Variants in HSPD1 observed in about 807,000 individuals in gnomAD.
The protein encoded by HSPD1 is heat shock protein family D (Hsp60) member 1.
HSPD1 carries 3 observed loss-of-function variants against 53.0 expected under a neutral mutation model. The observed-to-expected ratio is 0.06, with a 90% confidence interval of 0.03 to 0.15. The LOEUF (loss-of-function observed/expected upper bound fraction) is 0.15, where lower values mean the gene tolerates loss of function less well. Among genes scored for constraint, HSPD1 ranks in the 10% least tolerant of loss-of-function variants. The pLI, the probability that HSPD1 is intolerant of heterozygous loss-of-function variation, is 1.00. For synonymous variants in HSPD1, 200 were observed against 228.0 expected (o/e 0.88, Z 1.10); for missense variants, 431 against 694.1 (o/e 0.62, Z 4.26).
intron 9 of HSPD1, among the ~76,000 whole-genome samples, 189 bp downstream of exon 9, chr2:197,488,813 C>G (rs1197769788): frequency 6.6e-6 from 1 of 152,096 alleles, no homozygotes; most frequent in South Asian, 2.1e-4. Context: ...GGTTGCAGTG[C>G]GCCGAGATCG....
rs1175643427 is a variant in HSPD1, at chr2:197,487,366, A to G, written c.1570-168T>C. Reference sequence around the variant, plus strand: ...GTTCAAGACCAGCCTGGCCAACATGATGAGACCCCGTCTCTACTAAAAATA... The same window carrying G: ...GTTCAAGACCAGCCTGGCCAACATGGTGAGACCCCGTCTCTACTAAAAATA... On this transcript the variant is annotated intron_variant, in intron 11 of 11. Transcript: ENST00000388968. 2.0e-5 allele frequency among the ~76,000 whole-genome samples: 3 copies of G among 152,138 alleles called. No individual in the cohort carries two copies. The East Asian group carries it at 5.8e-4, about 29-fold the overall frequency.
chr2:197,498,983 G>C, intron 1 of HSPD1, 133 bp from the exon 2 acceptor site: 3 of 830,878 alleles, frequency 3.6e-6, no homozygotes, highest in Non-Finnish European at 6.1e-6. Flanking sequence ...CACTACGCCT[G>C]AATGACGGAA....
chr2:197,494,858 G>T lies in HSPD1; in HGVS notation c.511-106C>A, dbSNP rs1352845729. ...TTCCAAATTGATACTTCCATCCAGG[G>T]GAGAGAAGGGGAATTTACGTTATGG... On this transcript the variant is annotated intron_variant, in intron 4 of 11. Transcript: ENST00000388968. The T allele has an allele frequency of 3.7e-5, 28 of 764,414 alleles. No individual in the cohort carries two copies. In the Admixed American group the frequency reaches 4.8e-4, roughly 13 times the overall value. The allele number at this position is 764,414 out of a possible 1,614,324, so 47.4% of individuals were successfully genotyped here.
At chr2:197,489,670 C>T (rs1055969950) in intron 8 of HSPD1, among the ~76,000 whole-genome samples, 6 of 151,996 alleles carry the variant, frequency 3.9e-5, no homozygotes, top group African/African-American at 1.4e-4. Flanking sequence ...GAAGCCTAGG[C>T]AATACAGTGA....
At chr2:197,498,629 T>C (rs778003886) in intron 2 of HSPD1, 46 bp downstream of exon 2, 4 of 1,518,556 alleles carry the variant, frequency 2.6e-6, no homozygotes, top group Admixed American at 1.7e-5. Context: ...GTGAGTAAAA[T>C]GCTATTAATA....
At chr2:197,490,109 A>C in intron 8 of HSPD1, 88 bp downstream of exon 8, 1 of 960,100 alleles carries the variant, frequency 1.0e-6, no homozygotes, top group South Asian at 1.3e-5. Context: ...AGATAGTTGT[A>C]GTATCTAATT....
In HSPD1 at chr2:197,489,103, G is replaced by C; in HGVS notation, c.1114C>G (p.Gln372Glu). Reference sequence around the variant, plus strand: ...ACATCTAACTGCTCAATGATTTCTTGAATACGTTTTTCAATTTGAGCCTTG... The same window carrying C: ...ACATCTAACTGCTCAATGATTTCTTCAATACGTTTTTCAATTTGAGCCTTG... ...GDKAQIEKRI[Q>E]EIIEQLDVTT... Residue 372 changes from glutamine (Q) to glutamate (E), a missense_variant, in exon 9 of 12, where the codon CAA becomes GAA. By Grantham distance (29) the Gln-to-Glu change is conservative (BLOSUM62 2). Around this residue, in one of 2 missense-constraint regions of HSPD1, gnomAD observed 386 missense variants for 657.6 expected, o/e 0.59. Transcript: ENST00000388968. 4 of 1,613,860 alleles carry C rather than the reference G, an allele frequency of 2.5e-6. 1 individual carries two copies. The South Asian group carries it at 4.4e-5, about 18-fold the overall frequency.
intron 6 of HSPD1, 113 bp from the exon 7 acceptor site, chr2:197,493,605 T>C: frequency 1.3e-6 from 1 of 772,708 alleles, no homozygotes; most frequent in Middle Eastern, 2.3e-4. Context: ...GAGTTGGTTT[T>C]CCTCCTTCAT....
At chr2:197,490,059 A>T (rs2086072296) in intron 8 of HSPD1, 138 bp downstream of exon 8, 2 of 730,330 alleles carry the variant, frequency 2.7e-6, no homozygotes, top group Admixed American at 4.1e-5. Context: ...ATTAACGGGA[A>T]TTTAATCCAA....
chr2:197,498,577 A>G, intron 2 of HSPD1, 98 bp downstream of exon 2: 1 of 1,075,496 alleles, frequency 9.3e-7, no homozygotes, highest in Non-Finnish European at 1.4e-6. Context: ...TCTCTCAAAA[A>G]TGGAGATGAA....
At chr2:197,497,100 C>T (rs1399582953) in intron 3 of HSPD1, 40 bp downstream of exon 3, 1 of 1,603,162 alleles carries the variant, frequency 6.2e-7, no homozygotes, top group Non-Finnish European at 8.5e-7. Context: ...TTAAAGCACA[C>T]TGAAGTTTAG....
chr2:197,498,826 A>G lies in HSPD1; in HGVS notation c.23T>C (p.Phe8Ser). The G allele has an allele frequency of 6.2e-7, 1 of 1,614,218 alleles. No homozygotes were observed. Among genetic ancestry groups the G allele is most frequent in the African/African-American group, 1.3e-5 (1 of 75,048 alleles). The change falls in exon 2 of 12, where the codon TTT becomes TCT. Residue 8 changes from phenylalanine to serine, a missense_variant. Phe to Ser is a radical substitution (Grantham distance 155). This residue lies in a region of HSPD1 where 45 missense variants were observed against 36.5 expected (regional missense o/e 1.23). Coordinates refer to ENST00000388968, the MANE Select transcript of HSPD1 (RefSeq NM_002156.5). ...CCTGGACACCGGTCTCATCTGGCGA[A>G]AGACTGTGGGTAACCGAAGCATTTC... MLRLPTV[F>S]RQMRPVSRVL...
intron 3 of HSPD1, 78 bp from the exon 4 acceptor site, chr2:197,495,454 G>T: frequency 1.9e-6 from 2 of 1,058,124 alleles, no homozygotes; most frequent in Non-Finnish European, 2.9e-6. Flanking sequence ...TGAGATTTGT[G>T]ACAAATATTT....
At chr2:197,495,489 A>AATT in intron 3 of HSPD1, 113 bp from the exon 4 acceptor site, 1 of 538,278 alleles carries the variant, frequency 1.9e-6, no homozygotes, top group South Asian at 2.2e-5. Context: ...AAAAAAAAAA[A>AATT]TTTTTTTTTT....
rs886055386 is a variant in HSPD1 at position 197,489,010 on chromosome 2, C to T, written c.1207G>A (p.Val403Met). The T allele has an allele frequency of 1.9e-6, 3 of 1,613,848 alleles. No individual in the cohort carries two copies. The highest frequency in any genetic ancestry group is 4.5e-5 in the East Asian group (2 of 44,896). ...ATAATAATGAATGTTACCTTCAGCA[C>T]AGCCACTCCATCTGAAAGTTTTGCA... is the stretch of plus-strand genomic sequence containing the variant. ...RLAKLSDGVA[V>M]LKVGGTSDVE... Residue 403 changes from valine to methionine, a missense_variant, in exon 9 of 12, where the codon GTG becomes ATG. By Grantham distance (21) the Val-to-Met change is conservative (BLOSUM62 1). This residue lies in a region of HSPD1 where 386 missense variants were observed against 657.6 expected (regional missense o/e 0.59). Coordinates refer to ENST00000388968, the MANE Select transcript of HSPD1 (RefSeq NM_002156.5).
intron 2 of HSPD1, among the ~76,000 whole-genome samples, chr2:197,497,934 C>T (rs764324121): frequency 5.9e-5 from 9 of 152,186 alleles, no homozygotes; most frequent in Non-Finnish European, 1.3e-4. Flanking sequence ...GTTGTTGGAT[C>T]ACTTGATATC....
chr2:197,486,787 C>G lies in HSPD1; in HGVS notation c.*259G>C. On this transcript the variant is annotated 3_prime_UTR_variant, in exon 12 of 12. Transcript: ENST00000388968. ...TTGAAAGCAGTACACTGGTACATGG[C>G]TCTTGTACCCAGTATCAGGAATGTA... 2 of 457,816 alleles carry G rather than the reference C, an allele frequency of 4.4e-6. No homozygotes were observed. Among genetic ancestry groups the G allele is most frequent in the Non-Finnish European group, 8.1e-6 (2 of 248,358 alleles). 28.4% of individuals were successfully genotyped at this position (457,816 alleles called of 1,614,324 possible).
At chr2:197,492,215 G>C (rs530208951) in intron 7 of HSPD1, among the ~76,000 whole-genome samples, 2 of 152,326 alleles carry the variant, frequency 1.3e-5, no homozygotes, top group Admixed American at 6.5e-5. Context: ...TTTAGAGACA[G>C]AGTCTCGCTT....
chr2:197,497,198 T>C lies in HSPD1; in HGVS notation c.369A>G (p.Ile123Met). ...TTTATVLARSIAKEGFEKISK... is the reference protein window; with the variant it reads ...TTTATVLARSMAKEGFEKISK... The stretch of plus-strand genomic sequence containing the variant: ...TAATCTTCTCGAAGCCTTCCTTGGC[T>C]ATAGAGCGTGCCAGTACAGTAGCAG... Residue 123 changes from isoleucine to methionine, a missense_variant, in exon 3 of 12, where the codon ATA becomes ATG. By Grantham distance (10) the Ile-to-Met change is conservative (BLOSUM62 1). Around this residue, in one of 2 missense-constraint regions of HSPD1, gnomAD observed 386 missense variants for 657.6 expected, o/e 0.59. Transcript: ENST00000388968. 6.2e-7 allele frequency: 1 copy of C among 1,614,062 alleles called. No homozygotes were observed. The highest frequency in any genetic ancestry group is 8.5e-7 in the Non-Finnish European group (1 of 1,179,878).
Sources: gnomAD v4.1 joint callset for allele counts (sites outside exome capture counted in the v4.1 genomes callset) on GRCh38, gnomAD v4.1.1 for gene constraint, gnomAD v4.1.1 regional missense constraint, MANE v1.5 for transcripts, NCBI Gene and HGNC (gene_info 2026-07-23, HGNC 2026-07-21) for gene names.